The following SOX5 variants were observed in gnomAD, a reference collection of about 807,000 sequenced individuals.
The protein encoded by SOX5 is transcription factor SOX-5.
Under a neutral mutation model 92.0 loss-of-function variants are expected in SOX5, and 9 were observed. The observed-to-expected ratio is 0.10, with a 90% CI of 0.06 to 0.17. SOX5 has a LOEUF of 0.17. SOX5 is among the 10% of genes least tolerant of loss of function. SOX5 has a pLI of 1.00. For missense variants in SOX5, 642 were observed against 944.5 expected, an observed-to-expected ratio of 0.68 and a Z score of 4.20; for synonymous variants, 344 against 336.3, an observed-to-expected ratio of 1.02 and a Z score of -0.25.
intron 1 of SOX5, among the ~76,000 whole-genome samples, chr12:24,394,972 A>G (rs7307101): frequency 0.45 from 67,827 of 151,998 alleles, 15,747 homozygotes; most frequent in Non-Finnish European, 0.53. Context: ...TCTTTCCCCT[A>G]ACACAAAGCT....
chr12:23,796,454 G>A (rs904872104), intron 3 of SOX5, among the ~76,000 whole-genome samples: 2 of 152,076 alleles, frequency 1.3e-5, no homozygotes, highest in Non-Finnish European at 1.5e-5. Flanking sequence ...ATTCATAGCT[G>A]AGTTGCATAG....
chr12:23,992,006 C>A (rs1950602680), intron 4 of SOX5, among the ~76,000 whole-genome samples: 1 of 151,848 alleles, frequency 6.6e-6, no homozygotes, highest in African/African-American at 2.4e-5. Flanking sequence ...ATTTTCTGTA[C>A]CCTCATACAT....
At chr12:23,733,677 T>C (rs558659700) in intron 6 of SOX5, among the ~76,000 whole-genome samples, 1 of 152,316 alleles carries the variant, frequency 6.6e-6, no homozygotes, top group Non-Finnish European at 1.5e-5. Flanking sequence ...GGCAAAGAAG[T>C]TAAAACATGA....
At chr12:24,287,171 A>T (rs987067934) in intron 2 of SOX5, among the ~76,000 whole-genome samples, 1 of 152,212 alleles carries the variant, frequency 6.6e-6, no homozygotes, top group African/African-American at 2.4e-5. Flanking sequence ...CTGCAGTTTT[A>T]AAAAAGTCAT....
intron 4 of SOX5, among the ~76,000 whole-genome samples, chr12:24,171,780 T>G (rs1954204716): frequency 6.6e-6 from 1 of 151,938 alleles, no homozygotes. Flanking sequence ...GGAGGATTGC[T>G]GGAGCCCAGG....
At chr12:24,411,792 G>T (rs1185983797) in intron 1 of SOX5, among the ~76,000 whole-genome samples, 2 of 151,984 alleles carry the variant, frequency 1.3e-5, no homozygotes, top group African/African-American at 4.8e-5. Flanking sequence ...CTTCGTTTTA[G>T]TATCTGGGTA....
At chr12:24,502,100 T>C (rs948560512) in intron 1 of SOX5, among the ~76,000 whole-genome samples, 4 of 152,232 alleles carry the variant, frequency 2.6e-5, no homozygotes, top group African/African-American at 9.6e-5. Context: ...CGCCAACTTA[T>C]GTATTTAATA....
chr12:24,056,974 C>CAAAAAAAAAAAAAAAAAAAAAA (rs60085412), intron 4 of SOX5, among the ~76,000 whole-genome samples: 21 of 36,890 alleles, frequency 5.7e-4, no homozygotes, highest in South Asian at 1.1e-3. Flanking sequence ...GACTCCGTCT[C>CAAAAAAAAAAAAAAAAAAAAAA]AAAAAAAAAA....
intron 2 of SOX5, among the ~76,000 whole-genome samples, chr12:23,877,138 T>C (rs2096936347): frequency 6.6e-6 from 1 of 152,098 alleles, no homozygotes; most frequent in Admixed American, 6.6e-5. Context: ...ACTTAAAGTA[T>C]AATAAAAAAA....
intron 2 of SOX5, 112 bp downstream of exon 2, chr12:23,895,681 C>T (rs535806071): frequency 2.8e-6 from 2 of 718,160 alleles, no homozygotes; most frequent in African/African-American, 3.5e-5. Flanking sequence ...GAATCTTGTG[C>T]ATGGGTTCTT....
chr12:23,851,149 A>G (rs2096629486), intron 2 of SOX5, among the ~76,000 whole-genome samples: 1 of 152,152 alleles, frequency 6.6e-6, no homozygotes, highest in South Asian at 2.1e-4. Context: ...TTTAAGGTAT[A>G]TATGTTAATA....
intron 6 of SOX5, among the ~76,000 whole-genome samples, chr12:23,686,127 G>A (rs1180337217): frequency 1.3e-5 from 2 of 152,110 alleles, no homozygotes; most frequent in African/African-American, 4.8e-5. Flanking sequence ...GCAAACATTT[G>A]TAGAACAGAG....
At chr12:24,057,638 C>T (rs1958265238) in intron 4 of SOX5, among the ~76,000 whole-genome samples, 1 of 152,108 alleles carries the variant, frequency 6.6e-6, no homozygotes, top group Non-Finnish European at 1.5e-5. Flanking sequence ...GACTGTCAAA[C>T]TTTCTTAATT....
intron 2 of SOX5, among the ~76,000 whole-genome samples, chr12:23,880,851 TA>T (rs1287094967): frequency 6.6e-6 from 1 of 152,212 alleles, no homozygotes; most frequent in African/African-American, 2.4e-5. Flanking sequence ...AACATAAGAT[TA>T]AAATGAAATG....
intron 3 of SOX5, among the ~76,000 whole-genome samples, chr12:23,792,207 G>T (rs2095485969): frequency 6.6e-6 from 1 of 152,194 alleles, no homozygotes; most frequent in African/African-American, 2.4e-5. Context: ...GTATAGGGAA[G>T]AGATTGAGAG....
chr12:24,053,176 ACGC>A (rs1486042118), intron 4 of SOX5, among the ~76,000 whole-genome samples: 5 of 143,578 alleles, frequency 3.5e-5, no homozygotes, highest in African/African-American at 1.3e-4. Context: ...ATGCTACTGC[ACGC>A]CCCCCCCCTT....
At chr12:24,116,536 A>G (rs1010467898) in intron 4 of SOX5, among the ~76,000 whole-genome samples, 4 of 152,176 alleles carry the variant, frequency 2.6e-5, no homozygotes, top group African/African-American at 9.6e-5. Flanking sequence ...TATCACTGAC[A>G]AAGTCACAGT....
At chr12:24,080,807 TAA>T in intron 4 of SOX5, among the ~76,000 whole-genome samples, 1 of 152,084 alleles carries the variant, frequency 6.6e-6, no homozygotes, top group Admixed American at 6.6e-5. Flanking sequence ...GCTGAATTTT[TAA>T]AAAGTCTTTT....
chr12:24,399,289 G>T (rs2136609075), intron 1 of SOX5, among the ~76,000 whole-genome samples: 1 of 152,256 alleles, frequency 6.6e-6, no homozygotes, highest in East Asian at 1.9e-4. Flanking sequence ...AGGACCCTGA[G>T]GCTTAGTTTC....
Sources: gnomAD v4.1 joint callset for allele counts (sites outside exome capture counted in the v4.1 genomes callset) on GRCh38, gnomAD v4.1.1 for gene constraint, MANE v1.5 for transcripts, NCBI Gene and HGNC (gene_info 2026-07-23, HGNC 2026-07-21) for gene names.